Variants in KCNH7 observed in about 807,000 individuals in gnomAD.
KCNH7 encodes voltage-gated inwardly rectifying potassium channel KCNH7.
Under a neutral mutation model 120.8 loss-of-function variants are expected in KCNH7, and 49 were observed. The observed-to-expected ratio is 0.41, with a 90% CI of 0.32 to 0.51. KCNH7 has a LOEUF of 0.51. KCNH7 is among the 20% of genes least tolerant of loss of function. KCNH7 has a pLI of 0.38. For synonymous variants in KCNH7, 547 were observed against 516.1 expected (o/e 1.06, Z -0.81); for missense variants, 1,097 against 1,446.6 (o/e 0.76, Z 3.92).
intron 2 of KCNH7, among the ~76,000 whole-genome samples, chr2:162,781,773 G>C (rs1683501952): frequency 6.6e-6 from 1 of 152,058 alleles, no homozygotes. Context: ...AATGTTTCAG[G>C]GGGTCAGTTA....
chr2:162,531,629 T>A (rs1050562790), intron 3 of KCNH7, among the ~76,000 whole-genome samples: 1 of 151,944 alleles, frequency 6.6e-6, no homozygotes, highest in Admixed American at 6.6e-5. Flanking sequence ...GGTAAGAAGT[T>A]TTTTATGGTA....
intron 2 of KCNH7, among the ~76,000 whole-genome samples, chr2:162,713,380 A>C (rs1051907261): frequency 2.6e-4 from 40 of 152,208 alleles, no homozygotes; most frequent in Admixed American, 2.6e-3. Flanking sequence ...ACCTATGGCC[A>C]AAATTAATAG....
intron 2 of KCNH7, among the ~76,000 whole-genome samples, chr2:162,599,335 A>G (rs1362446663): frequency 6.6e-6 from 1 of 152,094 alleles, no homozygotes; most frequent in African/African-American, 2.4e-5. Flanking sequence ...ATTTCCCCCT[A>G]CAAGATGACA....
At chr2:162,493,997 G>A (rs536448864) in intron 6 of KCNH7, among the ~76,000 whole-genome samples, 13 of 152,172 alleles carry the variant, frequency 8.5e-5, no homozygotes, top group Non-Finnish European at 1.8e-4. Flanking sequence ...ATAAAAGCAC[G>A]ACAAGGTTTT....
intron 2 of KCNH7, among the ~76,000 whole-genome samples, chr2:162,731,848 T>C (rs1023958827): frequency 2.0e-5 from 3 of 152,128 alleles, no homozygotes; most frequent in Non-Finnish European, 4.4e-5. Flanking sequence ...ATGGTAGGTA[T>C]AGGGATATCA....
intron 2 of KCNH7, among the ~76,000 whole-genome samples, chr2:162,752,933 GAAA>G (rs1688626167): frequency 4.7e-5 from 4 of 84,726 alleles, no homozygotes; most frequent in African/African-American, 2.3e-4. Context: ...GAAAAGAAAA[GAAA>G]AGAAAAGAAA....
At position 162,649,513 on chromosome 2, in the gene KCNH7, G is replaced by A. The variant is rs980766609; in HGVS notation, c.308-112433C>T. On this transcript the variant is annotated intron_variant, in intron 2 of 15. Transcript: ENST00000332142. ...TCTCTCCTGATAAGTCACATTGCCT[G>A]TGTATAATAGTACAGCATGTGTTTT... 5.3e-5 allele frequency among the ~76,000 whole-genome samples: 8 copies of A among 152,160 alleles called. 1 individual carries two copies. The highest frequency in any genetic ancestry group is 1.2e-4 in the Non-Finnish European group (8 of 68,020).
At chr2:162,722,068 C>A (rs966837990) in intron 2 of KCNH7, among the ~76,000 whole-genome samples, 6 of 151,874 alleles carry the variant, frequency 4.0e-5, no homozygotes, top group African/African-American at 7.3e-5. Flanking sequence ...TTCACTAGTA[C>A]GTATTACTAG....
At chr2:162,592,881 T>C (rs1340611736) in intron 2 of KCNH7, among the ~76,000 whole-genome samples, 2 of 152,106 alleles carry the variant, frequency 1.3e-5, no homozygotes, top group Non-Finnish European at 2.9e-5. Flanking sequence ...TCCACTAATC[T>C]ACATCAGAAG....
At chr2:162,637,233 T>C (rs969961563) in intron 2 of KCNH7, among the ~76,000 whole-genome samples, 1 of 152,080 alleles carries the variant, frequency 6.6e-6, no homozygotes, top group Non-Finnish European at 1.5e-5. Context: ...TCTCTTTCCA[T>C]ATCATTTAAT....
chr2:162,577,327 A>ATCTATCTATCTATCTG (rs1277845307), intron 2 of KCNH7, among the ~76,000 whole-genome samples: 2 of 137,338 alleles, frequency 1.5e-5, no homozygotes, highest in African/African-American at 5.2e-5. Flanking sequence ...CTATCTATCT[A>ATCTATCTATCTATCTG]TCTGTCTATC....
intron 2 of KCNH7, among the ~76,000 whole-genome samples, chr2:162,650,163 T>A (rs1055472932): frequency 1.3e-5 from 2 of 152,170 alleles, no homozygotes; most frequent in Non-Finnish European, 2.9e-5. Flanking sequence ...CTAGAATAAT[T>A]TCTGGCACAT....
chr2:162,823,693 G>C (rs1685192514), intron 2 of KCNH7, among the ~76,000 whole-genome samples: 1 of 152,076 alleles, frequency 6.6e-6, no homozygotes, highest in Non-Finnish European at 1.5e-5. Context: ...ACAGAAGTTA[G>C]CACACATAAC....
chr2:162,591,542 G>A (rs1332836952), intron 2 of KCNH7, among the ~76,000 whole-genome samples: 1 of 151,984 alleles, frequency 6.6e-6, no homozygotes, highest in African/African-American at 2.4e-5. Flanking sequence ...AAGATAAATA[G>A]CAAGTACCTT....
intron 2 of KCNH7, among the ~76,000 whole-genome samples, chr2:162,723,114 A>G (rs953113754): frequency 7.9e-5 from 12 of 151,760 alleles, no homozygotes; most frequent in Non-Finnish European, 1.5e-4. Flanking sequence ...AATTTAGGTA[A>G]ATTATATATC....
At chr2:162,521,624 T>C (rs1691526343) in intron 3 of KCNH7, among the ~76,000 whole-genome samples, 1 of 151,876 alleles carries the variant, frequency 6.6e-6, no homozygotes, top group African/African-American at 2.4e-5. Context: ...TTAATTATTA[T>C]GGATATAGAG....
intron 8 of KCNH7, 103 bp from the exon 9 acceptor site, chr2:162,423,638 G>A (rs1007543818): frequency 2.0e-6 from 2 of 1,008,504 alleles, no homozygotes; most frequent in Non-Finnish European, 2.9e-6. Flanking sequence ...CAATCTAGTG[G>A]GGATTTACCA....
At chr2:162,791,896 AG>A (rs1246486498) in intron 2 of KCNH7, among the ~76,000 whole-genome samples, 17 of 152,172 alleles carry the variant, frequency 1.1e-4, no homozygotes, top group Admixed American at 3.3e-4. Flanking sequence ...TTGCCCATTC[AG>A]TATGATGCTG....
intron 2 of KCNH7, among the ~76,000 whole-genome samples, chr2:162,600,115 T>C (rs1461004573): frequency 6.6e-6 from 1 of 152,128 alleles, no homozygotes; most frequent in African/African-American, 2.4e-5. Flanking sequence ...GACCACTCTC[T>C]CTAGCTTGTA....
Sources: allele counts gnomAD v4.1 joint callset (sites outside exome capture counted in the v4.1 genomes callset), GRCh38; gene constraint gnomAD v4.1.1; transcripts MANE v1.5; gene names NCBI Gene and HGNC (gene_info 2026-07-23, HGNC 2026-07-21).